MYO16: variants seen among roughly 807,000 people sequenced by gnomAD.
MYO16 encodes myosin XVI, also known as unconventional myosin-XVI.
In MYO16, 94 loss-of-function variants were observed where a neutral mutation model predicts 205.3. That is an observed-to-expected ratio of 0.46 (90% CI 0.39 to 0.54). The LOEUF (loss-of-function observed/expected upper bound fraction) is 0.54, where lower values mean the gene tolerates loss of function less well. MYO16 is among the 20% of genes least tolerant of loss of function. The pLI is 0.00. For missense variants in MYO16, 2,315 were observed against 2,387.5 expected, an observed-to-expected ratio of 0.97 and a Z score of 0.63; for synonymous variants, 988 against 954.0, an observed-to-expected ratio of 1.04 and a Z score of -0.66.
intron 4 of MYO16, among the ~76,000 whole-genome samples, chr13:108,746,724 A>G (rs573372064): frequency 1.8e-4 from 28 of 152,190 alleles, no homozygotes; most frequent in Admixed American, 1.8e-3. Flanking sequence ...TTGGTTTAAC[A>G]ATGGCCAAAC....
intron 23 of MYO16, among the ~76,000 whole-genome samples, chr13:109,024,134 C>A (rs1886280171): frequency 6.7e-6 from 1 of 148,882 alleles, no homozygotes; most frequent in South Asian, 2.1e-4. Flanking sequence ...AAATATAATT[C>A]ATGTTCTTTG....
chr13:109,022,254 A>C (rs1166701555), intron 23 of MYO16, among the ~76,000 whole-genome samples: 3 of 129,562 alleles, frequency 2.3e-5, no homozygotes, highest in Non-Finnish European at 4.7e-5. Flanking sequence ...TATATATACA[A>C]ATATATATAC....
At chr13:109,105,295 A>T (rs1261921095) in intron 28 of MYO16, among the ~76,000 whole-genome samples, 1 of 152,124 alleles carries the variant, frequency 6.6e-6, no homozygotes. Flanking sequence ...ACATGGTGAA[A>T]CCCTGTCTCT....
the MYO16 span, among the ~76,000 whole-genome samples, chr13:108,572,259 T>A: frequency 6.6e-6 from 1 of 152,154 alleles, no homozygotes; most frequent in Non-Finnish European, 1.5e-5. Context: ...TTTTTCTTAA[T>A]GCTGGCATTG....
At chr13:108,807,395 G>A (rs972661880) in intron 7 of MYO16, among the ~76,000 whole-genome samples, 1 of 151,742 alleles carries the variant, frequency 6.6e-6, no homozygotes, top group Non-Finnish European at 1.5e-5. Context: ...CATATTGCGT[G>A]GGGAAGTTCT....
chr13:108,672,144 G>T (rs76260486), intron 2 of MYO16, among the ~76,000 whole-genome samples: 1,991 of 152,176 alleles, frequency 0.013, 37 homozygotes, highest in African/African-American at 0.046. Context: ...AAGAAATTTG[G>T]ATTGCAAATG....
intron 4 of MYO16, 116 bp downstream of exon 4, chr13:108,727,699 G>A: frequency 5.2e-6 from 6 of 1,153,012 alleles, no homozygotes; most frequent in Non-Finnish European, 7.3e-6. Flanking sequence ...ATCTGCATAT[G>A]TTATCATGTA....
chr13:108,949,213 T>C (rs573120777), intron 16 of MYO16, among the ~76,000 whole-genome samples: 2 of 152,282 alleles, frequency 1.3e-5, no homozygotes, highest in East Asian at 1.9e-4. Flanking sequence ...TTCATACTGA[T>C]TGATAAAATT....
the MYO16 span, among the ~76,000 whole-genome samples, chr13:108,576,530 A>G: frequency 2.0e-5 from 3 of 152,230 alleles, no homozygotes; most frequent in Non-Finnish European, 4.4e-5. Context: ...GACACACAAA[A>G]TGTAAGAATC....
At chr13:108,956,397 C>T (rs1029326645) in intron 16 of MYO16, among the ~76,000 whole-genome samples, 1 of 152,166 alleles carries the variant, frequency 6.6e-6, no homozygotes, top group Admixed American at 6.5e-5. Context: ...ACTTGCCTTA[C>T]CTCTTTGCAG....
intron 28 of MYO16, chr13:109,101,191 T>C (rs1162675722): frequency 2.4e-5 from 6 of 253,048 alleles, no homozygotes. Flanking sequence ...CATTTTGTCA[T>C]ATTTACCCAT....
chr13:108,657,055 A>C (rs1881276638), intron 1 of MYO16, among the ~76,000 whole-genome samples: 1 of 152,220 alleles, frequency 6.6e-6, no homozygotes, highest in Non-Finnish European at 1.5e-5. Context: ...CAGGCCTCCT[A>C]TGTTGAATAT....
At chr13:109,184,489 A>G (rs909652792) in intron 34 of MYO16, among the ~76,000 whole-genome samples, 4 of 152,248 alleles carry the variant, frequency 2.6e-5, no homozygotes, top group African/African-American at 9.6e-5. Flanking sequence ...ACATAAGTGT[A>G]TATAAATGCA....
At chr13:109,014,047 T>A (rs1885714978) in intron 22 of MYO16, among the ~76,000 whole-genome samples, 1 of 152,240 alleles carries the variant, frequency 6.6e-6, no homozygotes, top group Non-Finnish European at 1.5e-5. Context: ...TGCCCATGCC[T>A]ATGTCCTGAA....
At chr13:108,978,530 T>C (rs1238335149) in intron 20 of MYO16, among the ~76,000 whole-genome samples, 2 of 152,066 alleles carry the variant, frequency 1.3e-5, no homozygotes, top group Non-Finnish European at 2.9e-5. Flanking sequence ...ATTGCATTGA[T>C]GTTTATTTTT....
At chr13:108,812,123 T>C (rs1300968551) in intron 7 of MYO16, among the ~76,000 whole-genome samples, 2 of 152,164 alleles carry the variant, frequency 1.3e-5, no homozygotes, top group East Asian at 3.9e-4. Flanking sequence ...AATTGTTAAA[T>C]TTTACCTTGC....
intron 27 of MYO16, among the ~76,000 whole-genome samples, chr13:109,088,753 C>A (rs1888524641): frequency 6.6e-6 from 1 of 152,158 alleles, no homozygotes; most frequent in Non-Finnish European, 1.5e-5. Context: ...CCGCATCGCG[C>A]GAGAAGAAGA....
In MYO16 at chr13:108,913,291, A is replaced by G. The variant is rs922351430; in HGVS notation, c.1925+3141A>G. ...TCAGTTGGAGCATTTGTACAATGACAATTTCACAGGAAAACTTTAACGGTA... is the reference window on the plus strand; with the variant it reads ...TCAGTTGGAGCATTTGTACAATGACGATTTCACAGGAAAACTTTAACGGTA... On this transcript the variant is annotated intron_variant, in intron 16 of 34. Transcript: ENST00000457511. Among the ~76,000 whole-genome samples the G allele has an allele frequency of 6.6e-5, 10 of 152,328 alleles. No individual in the cohort carries two copies. In the East Asian group the frequency reaches 1.5e-3, roughly 24 times the overall value.
At chr13:108,895,593 A>G (rs1387124388) in intron 14 of MYO16, among the ~76,000 whole-genome samples, 1 of 152,220 alleles carries the variant, frequency 6.6e-6, no homozygotes, top group Non-Finnish European at 1.5e-5. Flanking sequence ...TTTCAGCAGT[A>G]ATTACTGCAT....
Sources: allele counts gnomAD v4.1 joint callset (sites outside exome capture counted in the v4.1 genomes callset), GRCh38; gene constraint gnomAD v4.1.1; transcripts MANE v1.5; gene names NCBI Gene and HGNC (gene_info 2026-07-23, HGNC 2026-07-21).